LMF1: variants seen among roughly 807,000 people sequenced by gnomAD.
The protein encoded by LMF1 is lipase maturation factor 1, also known as transmembrane protein 112.
Under a neutral mutation model 60.6 loss-of-function variants are expected in LMF1, and 68 were observed. That is an observed-to-expected ratio of 1.12 (90% CI 0.92 to 1.37). The LOEUF is 1.37. LMF1 is among the 40% of genes most tolerant of loss of function. The probability of loss-of-function intolerance (pLI) is 0.00; values close to 1 mark genes in which losing one functional copy is unlikely to be tolerated. For synonymous variants in LMF1, 418 were observed against 324.7 expected (o/e 1.29, Z -3.09); for missense variants, 948 against 767.2 (o/e 1.24, Z -2.78).
At chr16:921,896 A>G (rs1178923884) in intron 3 of LMF1, among the ~76,000 whole-genome samples, 4 of 152,232 alleles carry the variant, frequency 2.6e-5, no homozygotes. Flanking sequence ...GATTGACTAC[A>G]TAGAAAATTT....
At position 887,824 on chromosome 16, in the gene LMF1, C is replaced by T. The variant is rs115221145; in HGVS notation, c.729+5183G>A. On this transcript the variant is annotated intron_variant, in intron 5 of 10. Coordinates refer to ENST00000262301, the MANE Select transcript of LMF1 (RefSeq NM_022773.4). ...GGGGCAGTGCTTCCGGATCACTCTA[C>T]TTAAGCAGTGGCCTAAAACTCCCCC... Among the ~76,000 whole-genome samples, 530 of 152,280 alleles carry T rather than the reference C, an allele frequency of 3.5e-3. 4 individuals carry two copies. The highest frequency in any genetic ancestry group is 0.011 in the African/African-American group (468 of 41,556).
intron 3 of LMF1, among the ~76,000 whole-genome samples, chr16:928,322 T>A (rs902752095): frequency 6.6e-6 from 1 of 152,164 alleles, no homozygotes; most frequent in African/African-American, 2.4e-5. Flanking sequence ...CCAGCTGGCA[T>A]TGGCCTTCCA....
At position 955,251 on chromosome 16, in the gene LMF1, T is replaced by TAC. The variant is rs373602941; in HGVS notation, c.194-587_194-586dup. ...GCCTGCAGCAGACGTGGTGTGTGCA[T>TAC]ACACACACACACATCTAAGTAAACT... On this transcript the variant is annotated intron_variant, in intron 1 of 10. Coordinates refer to ENST00000262301, the MANE Select transcript of LMF1 (RefSeq NM_022773.4). Among the ~76,000 whole-genome samples, 209 of 44,594 alleles carry TAC rather than the reference T, an allele frequency of 4.7e-3. 65 individuals carry two copies. The highest frequency in any genetic ancestry group is 0.018 in the African/African-American group (94 of 5,116). The allele number at this position is 44,594 out of a possible 152,430, so 29.3% of individuals were successfully genotyped here.
chr16:953,268 C>T lies in LMF1; in HGVS notation c.503+1089G>A, dbSNP rs1181229935. ...ACACAGACACCCACCCCAAACCAGC[C>T]TCCTACACGTCCACACAGACACCCC... On this transcript the variant is annotated intron_variant, in intron 2 of 10. Transcript: ENST00000262301. Among the ~76,000 whole-genome samples, 13 of 44,182 alleles carry T rather than the reference C, an allele frequency of 2.9e-4. 1 individual carries two copies. In the South Asian group the frequency reaches 3.7e-3, roughly 13 times the overall value. The allele number at this position is 44,182 out of a possible 152,430, so 29.0% of individuals were successfully genotyped here.
At chr16:973,596 A>G (rs548874762), upstream of LMF1, among the ~76,000 whole-genome samples, 49 of 152,280 alleles carry the variant, frequency 3.2e-4, 1 homozygote, top group Middle Eastern at 3.4e-3. Flanking sequence ...GCTGATGAGA[A>G]TCTTCTGGAA....
At chr16:968,434 A>G (rs2072971619) in intron 1 of LMF1, 1 of 152,284 alleles carries the variant, frequency 6.6e-6, no homozygotes, top group Non-Finnish European at 1.5e-5. Flanking sequence ...TGTAAAATTC[A>G]GTATCAAGTG....
At chr16:890,992 CGGCTG>C (rs2070470557) in intron 5 of LMF1, among the ~76,000 whole-genome samples, 1 of 152,242 alleles carries the variant, frequency 6.6e-6, no homozygotes, top group Non-Finnish European at 1.5e-5. Flanking sequence ...CTGGTGTTGA[CGGCTG>C]ACACAGAGCA....
intron 3 of LMF1, among the ~76,000 whole-genome samples, chr16:922,645 GAAAGT>G: frequency 7.2e-6 from 1 of 139,310 alleles, no homozygotes; most frequent in African/African-American, 2.6e-5. Context: ...GGCCCTGTGT[GAAAGT>G]CGCCTGGGTT....
At chr16:879,535 G>C in intron 6 of LMF1, 35 bp downstream of exon 6, 1 of 1,607,392 alleles carries the variant, frequency 6.2e-7, no homozygotes, top group Middle Eastern at 1.7e-4. Context: ...CAGCGTCTCT[G>C]TGGACACGGG....
intron 2 of LMF1, among the ~76,000 whole-genome samples, chr16:949,839 G>C (rs572112064): frequency 8.9e-6 from 1 of 112,266 alleles, no homozygotes; most frequent in Non-Finnish European, 1.7e-5. Flanking sequence ...CAACGACAGA[G>C]TTAGAGACAA....
At chr16:939,363 C>T (rs970521985) in intron 2 of LMF1, among the ~76,000 whole-genome samples, 2 of 152,206 alleles carry the variant, frequency 1.3e-5, no homozygotes, top group African/African-American at 4.8e-5. Context: ...TAAGTCACAG[C>T]CCTGCAAAAT....
chr16:907,144 G>C (rs1354842609), intron 4 of LMF1, among the ~76,000 whole-genome samples: 1 of 152,184 alleles, frequency 6.6e-6, no homozygotes, highest in Non-Finnish European at 1.5e-5. Context: ...GCTCACGCCT[G>C]TAATCCCAGC....
intron 3 of LMF1, among the ~76,000 whole-genome samples, chr16:916,029 C>T (rs762150571): frequency 2.2e-4 from 34 of 152,158 alleles, no homozygotes; most frequent in East Asian, 3.9e-4. Flanking sequence ...GGGAGGGACA[C>T]GGGGTAGCCT....
At chr16:888,599 T>A (rs932636047) in intron 5 of LMF1, among the ~76,000 whole-genome samples, 1 of 152,202 alleles carries the variant, frequency 6.6e-6, no homozygotes, top group African/African-American at 2.4e-5. Context: ...AACCTGCTGT[T>A]GCATCCGCGT....
At chr16:911,925 G>A (rs996910038) in intron 3 of LMF1, among the ~76,000 whole-genome samples, 7 of 152,282 alleles carry the variant, frequency 4.6e-5, no homozygotes, top group Non-Finnish European at 7.4e-5. Context: ...CGGATTCTTC[G>A]CACTGGAAAC....
At chr16:861,456 CA>C (rs1220653187) in intron 10 of LMF1, among the ~76,000 whole-genome samples, 1 of 148,264 alleles carries the variant, frequency 6.7e-6, no homozygotes, top group Non-Finnish European at 1.5e-5. Flanking sequence ...CTCCCCGGTA[CA>C]AGCAATTCTC....
intron 4 of LMF1, among the ~76,000 whole-genome samples, chr16:908,369 C>A (rs2151751494): frequency 6.6e-6 from 1 of 152,334 alleles, no homozygotes; most frequent in South Asian, 2.1e-4. Flanking sequence ...CTCCAACAAG[C>A]CATGGCCAAC....
chr16:970,490 T>A lies in LMF1; in HGVS notation c.193+298A>T, dbSNP rs552578999. Among the ~76,000 whole-genome samples the A allele has an allele frequency of 1.4e-4, 21 of 152,170 alleles. No individual in the cohort carries two copies. In the South Asian group the frequency reaches 3.7e-3, roughly 27 times the overall value. On this transcript the variant is annotated intron_variant, in intron 1 of 10. Coordinates refer to ENST00000262301, the MANE Select transcript of LMF1 (RefSeq NM_022773.4). Reference sequence around the variant, plus strand: ...GGGCCCGGGCCGGCCCCGCCTCGCATAGCCCCGAGCCGGTCCTGGCAGGCG... The same window carrying A: ...GGGCCCGGGCCGGCCCCGCCTCGCAAAGCCCCGAGCCGGTCCTGGCAGGCG...
chr16:898,278 T>C (rs971519357), intron 4 of LMF1, among the ~76,000 whole-genome samples: 2 of 143,628 alleles, frequency 1.4e-5, no homozygotes, highest in African/African-American at 5.5e-5. Context: ...TCCCATGAGT[T>C]TGAGGGCAGC....
Sources: gnomAD v4.1 joint callset for allele counts (sites outside exome capture counted in the v4.1 genomes callset) on GRCh38, gnomAD v4.1.1 for gene constraint, MANE v1.5 for transcripts, NCBI Gene and HGNC (gene_info 2026-07-23, HGNC 2026-07-21) for gene names.